The following ZSCAN5A variants were observed in gnomAD, a reference collection of about 807,000 sequenced individuals.
The protein encoded by ZSCAN5A is zinc finger and SCAN domain-containing protein 5A.
Under a neutral mutation model 23.7 loss-of-function variants are expected in ZSCAN5A, and 12 were observed. The observed-to-expected ratio is 0.51, with a 90% CI of 0.32 to 0.82. The LOEUF is 0.82. Among genes scored for constraint, ZSCAN5A ranks in the 40% least tolerant of loss-of-function variants. The pLI is 0.03. For missense variants in ZSCAN5A, 597 were observed against 617.9 expected (o/e 0.97, Z 0.36); for synonymous variants, 257 against 239.9 (o/e 1.07, Z -0.66).
intron 2 of ZSCAN5A, chr19:56,282,473 C>T: frequency 7.1e-6 from 7 of 985,302 alleles, no homozygotes; most frequent in Non-Finnish European, 8.4e-6. Context: ...GTCCTTCCTG[C>T]TGCTTGTCTG....
At chr19:56,315,721 C>G (rs1196033449), upstream of ZSCAN5A, 1 of 152,206 alleles carries the variant, frequency 6.6e-6, no homozygotes, top group African/African-American at 2.4e-5. Flanking sequence ...CTGCTGTGCT[C>G]CCTTACTATT....
chr19:56,246,409 G>C, intron 2 of ZSCAN5A: 1 of 568,388 alleles, frequency 1.8e-6, no homozygotes, highest in Non-Finnish European at 3.2e-6. Flanking sequence ...TCTGAACGTA[G>C]ACAGGGAAGA....
intron 2 of ZSCAN5A, among the ~76,000 whole-genome samples, chr19:56,230,709 T>G (rs2034393632): frequency 6.6e-6 from 1 of 151,808 alleles, no homozygotes; most frequent in South Asian, 2.1e-4. Context: ...ACAGTACAGA[T>G]GCTCCTCGAC....
chr19:56,355,123 G>A (rs897168143), intron 2 of ZSCAN5A, among the ~76,000 whole-genome samples: 1 of 124,610 alleles, frequency 8.0e-6, no homozygotes, highest in Non-Finnish European at 1.7e-5. Context: ...TAATCATGAT[G>A]TGGGGCATTT....
chr19:56,299,211 A>T (rs944533394), intron 2 of ZSCAN5A, among the ~76,000 whole-genome samples: 1 of 151,866 alleles, frequency 6.6e-6, no homozygotes, highest in African/African-American at 2.4e-5. Context: ...GGCTCACCAC[A>T]GCCCTAAACT....
Position 56,306,220 on chromosome 19 carries a change from G to A in ZSCAN5A, c.-128+7063C>T, listed in dbSNP as rs73937232. Among the ~76,000 whole-genome samples the A allele has an allele frequency of 1.4e-4, 22 of 152,296 alleles. No individual in the cohort carries two copies. The East Asian group carries it at 3.5e-3, about 24-fold the overall frequency. ...GGTCAAGGCTAGGGTCCAGGGTACG[G>A]AGAGAAAGTACGAAAGACAGATGGG... On this transcript the variant is annotated intron_variant, in intron 2 of 5. Coordinates refer to ENST00000683990, the MANE Select transcript of ZSCAN5A (RefSeq NM_001322064.3).
chr19:56,291,599 CT>C lies in ZSCAN5A; in HGVS notation c.-128+21683del, dbSNP rs1344506842. Among the ~76,000 whole-genome samples the C allele has an allele frequency of 2.6e-5, 4 of 152,298 alleles. No homozygotes were observed. The East Asian group carries it at 7.7e-4, about 29-fold the overall frequency. On this transcript the variant is annotated intron_variant, in intron 2 of 5. Transcript: ENST00000683990. ...TGCCCAACAATGCCCACTGGATCTT[CT>C]GCTCCTGGCATCTCATCTCAACAGC...
At chr19:56,246,309 T>G in intron 2 of ZSCAN5A, 1 of 367,308 alleles carries the variant, frequency 2.7e-6, no homozygotes, top group Non-Finnish European at 4.9e-6. Flanking sequence ...TGGTTTTCCA[T>G]TGTCAGGAAG....
intron 2 of ZSCAN5A, among the ~76,000 whole-genome samples, chr19:56,349,189 C>T (rs1162295443): frequency 1.3e-5 from 2 of 152,182 alleles, no homozygotes; most frequent in Non-Finnish European, 2.9e-5. Context: ...CTCTATTTAA[C>T]CCAAGAAATT....
At chr19:56,293,157 G>GA (rs2039631679) in intron 2 of ZSCAN5A, among the ~76,000 whole-genome samples, 1 of 152,114 alleles carries the variant, frequency 6.6e-6, no homozygotes, top group South Asian at 2.1e-4. Flanking sequence ...AAAACAAATT[G>GA]AAAAATGGTA....
chr19:56,340,819 G>A (rs189632106), intron 2 of ZSCAN5A: 1 of 152,328 alleles, frequency 6.6e-6, no homozygotes, highest in East Asian at 1.9e-4. Context: ...TTGTGCTTGA[G>A]AGTTGAAAAT....
intron 2 of ZSCAN5A, among the ~76,000 whole-genome samples, chr19:56,238,423 T>C (rs1335613175): frequency 6.6e-6 from 1 of 152,100 alleles, no homozygotes; most frequent in African/African-American, 2.4e-5. Context: ...AGGCCAGGAA[T>C]TGGAGAGCAG....
At chr19:56,334,675 G>T (rs111414712) in intron 2 of ZSCAN5A, among the ~76,000 whole-genome samples, 19 of 152,272 alleles carry the variant, frequency 1.2e-4, no homozygotes, top group African/African-American at 4.6e-4. Context: ...CTTCACTGGT[G>T]ATACCTCCAG....
At chr19:56,361,503 C>T (rs920442897) in intron 2 of ZSCAN5A, among the ~76,000 whole-genome samples, 8 of 152,190 alleles carry the variant, frequency 5.3e-5, no homozygotes, top group Admixed American at 1.3e-4. Context: ...GGTACAAATA[C>T]ACCATGGAGT....
rs1190599831 is a variant in ZSCAN5A, at chr19:56,222,074, T to G, written c.992A>C (p.Asn331Thr). 2 of 1,614,170 alleles carry G rather than the reference T, an allele frequency of 1.2e-6. No individual in the cohort carries two copies. The highest frequency in any genetic ancestry group is 1.7e-6 in the Non-Finnish European group (2 of 1,180,038). Residue 331 changes from asparagine to threonine, a missense_variant, in exon 6 of 6, where the codon AAT becomes ACT. Asn to Thr is a moderately conservative substitution (Grantham distance 65). Around this residue, in one of 5 missense-constraint regions of ZSCAN5A, gnomAD observed 406 missense variants for 353.2 expected, o/e 1.15. Transcript: ENST00000683990. ...NRESPGQAGMNSIHSPGPASP... is the reference protein window; with the variant it reads ...NRESPGQAGMTSIHSPGPASP... ...CGCAGGGCCTGGGGAATGAATTGAATTCATCCCAGCTTGTCCCGGGGATTC... is the reference window on the plus strand; with the variant it reads ...CGCAGGGCCTGGGGAATGAATTGAAGTCATCCCAGCTTGTCCCGGGGATTC...
intron 4 of ZSCAN5A, 147 bp from the exon 5 acceptor site, chr19:56,222,888 AC>A: frequency 9.8e-7 from 1 of 1,020,564 alleles, no homozygotes; most frequent in Non-Finnish European, 1.4e-6. Context: ...CCACCCCATC[AC>A]CCCACGTAAA....
At chr19:56,262,337 C>T (rs2037181844) in intron 2 of ZSCAN5A, among the ~76,000 whole-genome samples, 1 of 150,640 alleles carries the variant, frequency 6.6e-6, no homozygotes, top group Admixed American at 6.6e-5. Context: ...TAACTTCTAT[C>T]ACCATAAATT....
At chr19:56,222,450 T>C in intron 5 of ZSCAN5A, 124 bp from the exon 6 acceptor site, 2 of 1,550,996 alleles carry the variant, frequency 1.3e-6, no homozygotes, top group Non-Finnish European at 8.7e-7. Flanking sequence ...GACATTGGAC[T>C]GTAGGTCTCT....
intron 2 of ZSCAN5A, among the ~76,000 whole-genome samples, chr19:56,289,562 G>A (rs181135316): frequency 6.6e-6 from 1 of 152,296 alleles, no homozygotes; most frequent in East Asian, 1.9e-4. Context: ...AAACTGTATG[G>A]CACATAGTTG....
Sources: allele counts gnomAD v4.1 joint callset (sites outside exome capture counted in the v4.1 genomes callset), GRCh38; gene constraint gnomAD v4.1.1; regional missense constraint gnomAD v4.1.1; transcripts MANE v1.5; gene names NCBI Gene and HGNC (gene_info 2026-07-23, HGNC 2026-07-21).